Variants in TDRD12 observed in about 807,000 individuals in gnomAD.
TDRD12 encodes the protein putative ATP-dependent RNA helicase TDRD12.
In TDRD12, 158 loss-of-function variants were observed where a neutral mutation model predicts 133.5. The observed-to-expected ratio is 1.18, with a 90% CI of 1.04 to 1.35. The LOEUF is 1.35. Ranked by LOEUF, TDRD12 falls within the 40% of genes most tolerant of loss-of-function variation. TDRD12 has a pLI of 0.00. For synonymous variants in TDRD12, 460 were observed against 477.9 expected, an observed-to-expected ratio of 0.96 and a Z score of 0.49; for missense variants, 1,443 against 1,321.3, an observed-to-expected ratio of 1.09 and a Z score of -1.43.
At chr19:32,788,172 G>C (rs569842920) in intron 11 of TDRD12, among the ~76,000 whole-genome samples, 288 of 151,754 alleles carry the variant, frequency 1.9e-3, no homozygotes, top group Non-Finnish European at 3.0e-3. Flanking sequence ...GCCCAGGCTG[G>C]AGTGCAGTGG....
chr19:32,780,117 T>C (rs1324974677), intron 11 of TDRD12, among the ~76,000 whole-genome samples: 1 of 142,836 alleles, frequency 7.0e-6, no homozygotes, highest in Non-Finnish European at 1.5e-5. Context: ...AGAGTCTCGC[T>C]CTGTAGCCCA....
chr19:32,729,243 A>T (rs1026141980), intron 1 of TDRD12, among the ~76,000 whole-genome samples: 1 of 104,376 alleles, frequency 9.6e-6, no homozygotes, highest in Non-Finnish European at 1.8e-5. Flanking sequence ...TGTGAGATGG[A>T]GTCTTGCTCT....
chr19:32,817,772 G>T (rs544682628), intron 26 of TDRD12, among the ~76,000 whole-genome samples: 1 of 151,084 alleles, frequency 6.6e-6, no homozygotes, highest in South Asian at 2.1e-4. Flanking sequence ...CCCGCCCGAG[G>T]TGCAAACTCC....
chr19:32,800,375 G>A lies in TDRD12; in HGVS notation c.1950+17G>A. The A allele has an allele frequency of 4.8e-6, 7 of 1,469,326 alleles. No individual in the cohort carries two copies. Among genetic ancestry groups the A allele is most frequent in the Non-Finnish European group, 6.3e-6 (7 of 1,111,810 alleles). The allele number at this position is 1,469,326 out of a possible 1,614,324, so 91.0% of individuals were successfully genotyped here. ...GTCCAACAGGTAACTTTGTGTGTAT[G>A]TGTATGTGTATGTGTGTGTGTGTGT... On this transcript the variant is annotated intron_variant, in intron 17 of 27. Coordinates refer to ENST00000444215, the Ensembl canonical transcript of TDRD12.
intron 22 of TDRD12, among the ~76,000 whole-genome samples, chr19:32,808,746 T>C (rs948833774): frequency 6.6e-6 from 1 of 152,202 alleles, no homozygotes; most frequent in African/African-American, 2.4e-5. Context: ...TTTCCTGCAT[T>C]CTGTCACCTC....
intron 8 of TDRD12, among the ~76,000 whole-genome samples, chr19:32,766,076 T>G (rs1970288335): frequency 2.0e-5 from 3 of 152,320 alleles, no homozygotes; most frequent in Non-Finnish European, 4.4e-5. Context: ...GTATATCTTT[T>G]TATGTCCTTT....
intron 11 of TDRD12, among the ~76,000 whole-genome samples, chr19:32,781,628 A>G (rs1341357011): frequency 1.3e-5 from 2 of 152,172 alleles, no homozygotes. Context: ...TCTAGTTTCT[A>G]GTGTAGAGAC....
At chr19:32,734,242 A>G (rs1051353682) in intron 2 of TDRD12, among the ~76,000 whole-genome samples, 11 of 152,134 alleles carry the variant, frequency 7.2e-5, no homozygotes, top group African/African-American at 2.7e-4. Flanking sequence ...CAAATAATAC[A>G]GTTCATACTG....
chr19:32,743,770 T>C (rs1969506826), intron 4 of TDRD12, among the ~76,000 whole-genome samples: 2 of 152,176 alleles, frequency 1.3e-5, no homozygotes, highest in African/African-American at 2.4e-5. Context: ...GGCTTACACC[T>C]GTAATTCCAG....
At chr19:32,788,286 A>AT (rs1371456008) in intron 11 of TDRD12, among the ~76,000 whole-genome samples, 4 of 151,282 alleles carry the variant, frequency 2.6e-5, no homozygotes, top group African/African-American at 4.9e-5. Context: ...TGATTTTTGT[A>AT]TTTTTAGTAG....
intron 1 of TDRD12, 102 bp downstream of exon 1, chr19:32,720,198 C>T (rs1968584257): frequency 1.5e-6 from 2 of 1,350,692 alleles, no homozygotes; most frequent in African/African-American, 3.2e-5. Context: ...CGCACAGCTT[C>T]CTACACCCAC....
At chr19:32,724,768 T>C (rs534840349) in intron 1 of TDRD12, among the ~76,000 whole-genome samples, 1 of 152,312 alleles carries the variant, frequency 6.6e-6, no homozygotes, top group East Asian at 1.9e-4. Context: ...TTTCTGGTTC[T>C]AGATCTTTGA....
intron 9 of TDRD12, 144 bp downstream of exon 9, chr19:32,772,994 T>C (rs1970481094): frequency 2.1e-6 from 1 of 467,858 alleles, no homozygotes; most frequent in South Asian, 7.1e-5. Flanking sequence ...TGAGAAAATA[T>C]AGTTTGCTTG....
downstream of TDRD12, among the ~76,000 whole-genome samples, chr19:32,824,884 G>T (rs941250072): frequency 1.3e-5 from 2 of 152,172 alleles, no homozygotes; most frequent in Non-Finnish European, 1.5e-5. Context: ...AATCAACCTC[G>T]AGTCGGCTGA....
At chr19:32,727,220 A>T (rs1376589173) in intron 1 of TDRD12, among the ~76,000 whole-genome samples, 1 of 152,178 alleles carries the variant, frequency 6.6e-6, no homozygotes, top group Non-Finnish European at 1.5e-5. Flanking sequence ...TCTAATGATT[A>T]GTATGTTGAG....
exon 10 of TDRD12, chr19:32,828,561 G>C (rs1308355460): frequency 1.3e-5 from 2 of 152,142 alleles, no homozygotes; most frequent in African/African-American, 4.8e-5. Context: ...CCTCGGAATG[G>C]AAAAGAATTT....
In TDRD12 at chr19:32,821,020, C is replaced by G; in HGVS notation, c.3384-13C>G. ...TAGAGAGCCAGGTGTTAACCCCTGC[C>G]TCTCCCGTCTAGGACGCCTCCAGCA... On this transcript the variant is annotated splice_polypyrimidine_tract_variant and intron_variant, in intron 27 of 27. Transcript: ENST00000444215. 2 of 1,534,158 alleles carry G rather than the reference C, an allele frequency of 1.3e-6. No individual in the cohort carries two copies. Among genetic ancestry groups the G allele is most frequent in the South Asian group, 2.4e-5 (2 of 83,854 alleles).
At chr19:32,748,865 T>C (rs1442623160) in intron 5 of TDRD12, among the ~76,000 whole-genome samples, 1 of 152,270 alleles carries the variant, frequency 6.6e-6, no homozygotes, top group African/African-American at 2.4e-5. Flanking sequence ...CAGCAATTGA[T>C]GAAAAACCTA....
chr19:32,790,973 C>T (rs2145662840), exon 13 of TDRD12: 2 of 1,535,808 alleles, frequency 1.3e-6, no homozygotes, highest in Admixed American at 2.0e-5. Context: ...GTTGCAGAAG[C>T]TGAAGGGCCT....
Sources: allele counts gnomAD v4.1 joint callset (sites outside exome capture counted in the v4.1 genomes callset), GRCh38; gene constraint gnomAD v4.1.1; transcripts MANE v1.5; gene names NCBI Gene and HGNC (gene_info 2026-07-23, HGNC 2026-07-21).